KIAA1328: variants seen among roughly 807,000 people sequenced by gnomAD.
KIAA1328 encodes the protein KIAA1328, also known as protein hinderin.
Under a neutral mutation model 68.1 loss-of-function variants are expected in KIAA1328, and 52 were observed. The ratio of observed to expected loss-of-function variants is 0.76; its 90% CI spans 0.61 to 0.96. The LOEUF is 0.96. Among genes scored for constraint, KIAA1328 ranks in the 40% least tolerant of loss-of-function variants. The pLI is 0.00. For synonymous variants in KIAA1328, 232 were observed against 239.4 expected (o/e 0.97, Z 0.28); for missense variants, 641 against 677.6 (o/e 0.95, Z 0.60).
chr18:37,202,795 A>G (rs951677846), intron 9 of KIAA1328, among the ~76,000 whole-genome samples: 2 of 152,292 alleles, frequency 1.3e-5, no homozygotes, highest in South Asian at 2.1e-4. Flanking sequence ...TTATTTGACA[A>G]TGTGTCTTGC....
chr18:37,195,039 A>G (rs982056278), intron 9 of KIAA1328, among the ~76,000 whole-genome samples: 1 of 152,200 alleles, frequency 6.6e-6, no homozygotes, highest in Non-Finnish European at 1.5e-5. Context: ...TATACAATGT[A>G]TAAGGATCAA....
chr18:36,849,308 G>A (rs1360657531), intron 4 of KIAA1328, among the ~76,000 whole-genome samples: 1 of 151,842 alleles, frequency 6.6e-6, no homozygotes, highest in Non-Finnish European at 1.5e-5. Flanking sequence ...GACATAAATT[G>A]ATCATTAGTG....
At chr18:37,190,372 C>T (rs2059883117) in intron 9 of KIAA1328, among the ~76,000 whole-genome samples, 1 of 152,128 alleles carries the variant, frequency 6.6e-6, no homozygotes, top group Non-Finnish European at 1.5e-5. Flanking sequence ...TGACTCCTAC[C>T]TGTATTTTCG....
intron 9 of KIAA1328, among the ~76,000 whole-genome samples, chr18:37,197,172 CT>C (rs1367830888): frequency 1.3e-5 from 2 of 151,784 alleles, no homozygotes; most frequent in African/African-American, 4.8e-5. Flanking sequence ...CAAAATGTTT[CT>C]TTTTTCATCT....
chr18:37,048,284 T>C (rs1274751016), intron 6 of KIAA1328, among the ~76,000 whole-genome samples: 1 of 152,240 alleles, frequency 6.6e-6, no homozygotes, highest in Non-Finnish European at 1.5e-5. Flanking sequence ...CAATTAACTT[T>C]ACATTTTCTA....
chr18:37,088,898 T>G (rs568174128), intron 7 of KIAA1328, among the ~76,000 whole-genome samples: 4 of 152,300 alleles, frequency 2.6e-5, no homozygotes, highest in Non-Finnish European at 4.4e-5. Context: ...TCATTTTTCA[T>G]TTTTTATTCT....
At chr18:37,026,845 T>A (rs1170991446) in intron 6 of KIAA1328, among the ~76,000 whole-genome samples, 1 of 152,160 alleles carries the variant, frequency 6.6e-6, no homozygotes, top group African/African-American at 2.4e-5. Flanking sequence ...ACCACTCCTA[T>A]TCAACACAGT....
At chr18:37,081,421 C>G (rs1279456032) in intron 7 of KIAA1328, among the ~76,000 whole-genome samples, 1 of 152,154 alleles carries the variant, frequency 6.6e-6, no homozygotes, top group African/African-American at 2.4e-5. Context: ...ATTTATATTT[C>G]TAGGCTGAAA....
intron 7 of KIAA1328, among the ~76,000 whole-genome samples, chr18:37,106,949 A>T (rs1211449679): frequency 6.6e-6 from 1 of 152,200 alleles, no homozygotes; most frequent in East Asian, 1.9e-4. Flanking sequence ...CGCTTTTTAA[A>T]AACTGAATTC....
At chr18:37,074,982 C>T (rs555417203) in intron 7 of KIAA1328, 27 of 151,518 alleles carry the variant, frequency 1.8e-4, no homozygotes, top group African/African-American at 4.1e-4. Context: ...ATACAGAGAA[C>T]GCCACAAAGA....
chr18:36,877,664 T>C (rs1217539357), intron 4 of KIAA1328, among the ~76,000 whole-genome samples: 1 of 130,102 alleles, frequency 7.7e-6, no homozygotes, highest in Non-Finnish European at 1.6e-5. Flanking sequence ...AGTCTGTGTC[T>C]TTTTTTTTTT....
rs186434902 is a variant in KIAA1328 at position 36,892,522 on chromosome 18, A to G, written c.448+6850A>G. ...TTTGTTTTTTTTGTTTACAAATTGA[A>G]TTATTTAGTGAAAGAATATATTATG... On this transcript the variant is annotated intron_variant, in intron 5 of 9. Coordinates refer to ENST00000280020, the MANE Select transcript of KIAA1328 (RefSeq NM_020776.3). Among the ~76,000 whole-genome samples, 40 of 152,216 alleles carry G rather than the reference A, an allele frequency of 2.6e-4. No homozygotes were observed. The East Asian group carries it at 7.7e-3, about 29-fold the overall frequency.
intron 6 of KIAA1328, among the ~76,000 whole-genome samples, chr18:37,021,286 T>G (rs1247091287): frequency 6.6e-6 from 1 of 152,242 alleles, no homozygotes; most frequent in Non-Finnish European, 1.5e-5. Context: ...ATATGATCTG[T>G]GTACTTATTT....
intron 6 of KIAA1328, among the ~76,000 whole-genome samples, chr18:36,968,866 A>G (rs925406478): frequency 3.3e-5 from 5 of 152,190 alleles, no homozygotes; most frequent in African/African-American, 1.2e-4. Flanking sequence ...CATAATCTAA[A>G]ATTGGTCAAA....
intron 4 of KIAA1328, among the ~76,000 whole-genome samples, chr18:36,873,240 C>T (rs371654168): frequency 1.3e-5 from 2 of 152,166 alleles, no homozygotes; most frequent in East Asian, 3.8e-4. Flanking sequence ...TCAGCAGGTA[C>T]TTGAAAATCT....
intron 4 of KIAA1328, among the ~76,000 whole-genome samples, chr18:36,856,021 A>G (rs1372929321): frequency 6.6e-6 from 1 of 151,798 alleles, no homozygotes; most frequent in Non-Finnish European, 1.5e-5. Context: ...TGCCACTTCC[A>G]GCCTTCATGG....
chr18:37,134,026 T>C (rs1463201066), intron 7 of KIAA1328, among the ~76,000 whole-genome samples: 1 of 151,956 alleles, frequency 6.6e-6, no homozygotes, highest in Non-Finnish European at 1.5e-5. Flanking sequence ...ATTCTTTTTT[T>C]TTTTTGAGAT....
Position 37,100,864 on chromosome 18 carries a change from A to G in KIAA1328, c.1232+33319A>G, listed in dbSNP as rs137970102. ...AGGCAGCAACATTTGCTGTTCACCA[A>G]TATCCGCTGTTCTGCAGCCTGTGCT... On this transcript the variant is annotated intron_variant, in intron 7 of 9. Coordinates refer to ENST00000280020, the MANE Select transcript of KIAA1328 (RefSeq NM_020776.3). Among the ~76,000 whole-genome samples the G allele has an allele frequency of 6.5e-3, 993 of 152,282 alleles. 14 individuals carry two copies. The highest frequency in any genetic ancestry group is 0.022 in the African/African-American group (919 of 41,574).
chr18:36,909,953 A>G (rs1469621998), intron 5 of KIAA1328, among the ~76,000 whole-genome samples: 1 of 152,074 alleles, frequency 6.6e-6, no homozygotes, highest in Admixed American at 6.5e-5. Context: ...GTCTGTTCAT[A>G]TCCTTCACCC....
Sources: gnomAD v4.1 joint callset for allele counts (sites outside exome capture counted in the v4.1 genomes callset) on GRCh38, gnomAD v4.1.1 for gene constraint, MANE v1.5 for transcripts, NCBI Gene and HGNC (gene_info 2026-07-23, HGNC 2026-07-21) for gene names.